The following ZFAND3 variants were observed in gnomAD, a reference collection of about 807,000 sequenced individuals.
ZFAND3 encodes AN1-type zinc finger protein 3.
Under a neutral mutation model 29.6 loss-of-function variants are expected in ZFAND3, and 10 were observed. The observed-to-expected ratio is 0.34, with a 90% CI of 0.21 to 0.57. ZFAND3 has a LOEUF of 0.57. Ranked by LOEUF, ZFAND3 falls within the 20% of genes least tolerant of loss-of-function variation. The probability of loss-of-function intolerance (pLI) is 0.86; values close to 1 mark genes in which losing one functional copy is unlikely to be tolerated. For synonymous variants in ZFAND3, 128 were observed against 112.6 expected (o/e 1.14, Z -0.87); for missense variants, 230 against 304.5 (o/e 0.76, Z 1.82).
intron 2 of ZFAND3, among the ~76,000 whole-genome samples, chr6:37,948,180 CAG>C (rs1761934691): frequency 1.3e-5 from 2 of 152,144 alleles, no homozygotes; most frequent in South Asian, 4.1e-4. Flanking sequence ...CTGTCAGTAA[CAG>C]AGAGGGATAG....
intron 5 of ZFAND3, among the ~76,000 whole-genome samples, chr6:38,137,765 A>C (rs1413404948): frequency 6.6e-6 from 1 of 152,204 alleles, no homozygotes; most frequent in Non-Finnish European, 1.5e-5. Flanking sequence ...AGAGCCAGCC[A>C]TTCAGAGAGT....
chr6:38,083,523 G>C (rs2127471391), intron 4 of ZFAND3, among the ~76,000 whole-genome samples: 1 of 152,214 alleles, frequency 6.6e-6, no homozygotes, highest in African/African-American at 2.4e-5. Flanking sequence ...CCTGATTTTA[G>C]CCAGCGGGAA....
chr6:37,924,813 T>C (rs934413033), intron 1 of ZFAND3, among the ~76,000 whole-genome samples: 1 of 151,646 alleles, frequency 6.6e-6, no homozygotes, highest in Non-Finnish European at 1.5e-5. Flanking sequence ...AGACCCAGTC[T>C]CAAAAAAACA....
chr6:37,904,041 G>A (rs1467604533), intron 1 of ZFAND3, among the ~76,000 whole-genome samples: 1 of 152,174 alleles, frequency 6.6e-6, no homozygotes, highest in African/African-American at 2.4e-5. Flanking sequence ...TTCTTCAGCT[G>A]AGCAATAAAC....
chr6:38,000,662 C>G (rs1283024873), intron 2 of ZFAND3, among the ~76,000 whole-genome samples: 1 of 152,136 alleles, frequency 6.6e-6, no homozygotes, highest in Non-Finnish European at 1.5e-5. Context: ...CCTCCCATGA[C>G]ACGTAGGAAT....
At chr6:37,999,121 T>TA (rs964652283) in intron 2 of ZFAND3, among the ~76,000 whole-genome samples, 10 of 152,050 alleles carry the variant, frequency 6.6e-5, no homozygotes, top group Non-Finnish European at 1.0e-4. Flanking sequence ...TAAAGTGCTT[T>TA]AAAAAACCCC....
At chr6:38,012,119 A>G (rs907470430) in intron 2 of ZFAND3, among the ~76,000 whole-genome samples, 3 of 152,144 alleles carry the variant, frequency 2.0e-5, no homozygotes, top group Admixed American at 6.5e-5. Flanking sequence ...CAGTAGTGGA[A>G]TGTAGAATGC....
Position 38,075,763 on chromosome 6 carries a change from T to TTTGC in ZFAND3, c.296-6626_296-6625insCTTG, listed in dbSNP as rs1217608103. ...GATCTGGCAGAGTTGGGTTTTTTTG[T>TTTGC]TTGTTTGAGACAGAGCCTCGCTCTG... On this transcript the variant is annotated intron_variant, in intron 3 of 5. Coordinates refer to ENST00000287218, the MANE Select transcript of ZFAND3 (RefSeq NM_021943.3). Among the ~76,000 whole-genome samples, 4 of 151,506 alleles carry TTTGC rather than the reference T, an allele frequency of 2.6e-5. No homozygotes were observed. The Middle Eastern group carries it at 0.01, about 389-fold the overall frequency.
chr6:38,124,395 A>C (rs1330309869), intron 5 of ZFAND3, among the ~76,000 whole-genome samples: 2 of 152,162 alleles, frequency 1.3e-5, no homozygotes, highest in Non-Finnish European at 2.9e-5. Flanking sequence ...CTCCTAGGGG[A>C]GGCTCGGGGC....
At chr6:38,058,607 G>A (rs890658355) in intron 2 of ZFAND3, among the ~76,000 whole-genome samples, 7 of 152,168 alleles carry the variant, frequency 4.6e-5, no homozygotes, top group African/African-American at 1.7e-4. Flanking sequence ...ACTCACTAGT[G>A]GTGCTGGAAA....
chr6:37,937,010 A>G (rs1012193541), intron 2 of ZFAND3, among the ~76,000 whole-genome samples: 82 of 152,312 alleles, frequency 5.4e-4, no homozygotes, highest in African/African-American at 1.8e-3. Context: ...ATTTCATACC[A>G]AGTAAATTAA....
chr6:38,059,167 A>G (rs983850191), intron 2 of ZFAND3, among the ~76,000 whole-genome samples: 1 of 152,204 alleles, frequency 6.6e-6, no homozygotes, highest in African/African-American at 2.4e-5. Context: ...AAATTACAGA[A>G]CAAGATAGAA....
At chr6:37,836,106 C>T (rs921299461) in intron 1 of ZFAND3, among the ~76,000 whole-genome samples, 4 of 152,012 alleles carry the variant, frequency 2.6e-5, no homozygotes, top group Admixed American at 1.3e-4. Flanking sequence ...GCCAAGGGAG[C>T]AGGTAGAGTC....
chr6:38,138,144 T>TTTA (rs1340231551), intron 5 of ZFAND3, among the ~76,000 whole-genome samples: 1 of 151,764 alleles, frequency 6.6e-6, no homozygotes, highest in African/African-American at 2.4e-5. Flanking sequence ...AGACCTTGTC[T>TTTA]CTATTAAAGA....
At chr6:38,098,231 C>G (rs556246803) in intron 4 of ZFAND3, among the ~76,000 whole-genome samples, 9 of 152,222 alleles carry the variant, frequency 5.9e-5, no homozygotes, top group African/African-American at 1.9e-4. Context: ...ACTGCAATCC[C>G]TGCCTCTTGG....
intron 5 of ZFAND3, among the ~76,000 whole-genome samples, chr6:38,140,506 T>C (rs1290772037): frequency 6.6e-6 from 1 of 152,172 alleles, no homozygotes; most frequent in African/African-American, 2.4e-5. Flanking sequence ...TTGTTTTGTT[T>C]TGAGACAGGG....
At chr6:37,970,140 A>G (rs116569901) in intron 2 of ZFAND3, among the ~76,000 whole-genome samples, 9,595 of 152,216 alleles carry the variant, frequency 0.063, 424 homozygotes, top group Middle Eastern at 0.095. Context: ...ATAAATGAAT[A>G]AATGAATAAA....
At chr6:38,125,200 A>G (rs944809583) in intron 5 of ZFAND3, among the ~76,000 whole-genome samples, 1 of 152,248 alleles carries the variant, frequency 6.6e-6, no homozygotes, top group Admixed American at 6.5e-5. Flanking sequence ...AAACATAAGT[A>G]TGCTATCTGT....
At chr6:37,994,437 G>T (rs1214895324) in intron 2 of ZFAND3, among the ~76,000 whole-genome samples, 6 of 152,152 alleles carry the variant, frequency 3.9e-5, no homozygotes, top group Admixed American at 6.5e-5. Flanking sequence ...GAGAGAGACT[G>T]CTTATTCCAA....
Sources: gnomAD v4.1 joint callset for allele counts (sites outside exome capture counted in the v4.1 genomes callset) on GRCh38, gnomAD v4.1.1 for gene constraint, MANE v1.5 for transcripts, NCBI Gene and HGNC (gene_info 2026-07-23, HGNC 2026-07-21) for gene names.